The following PRH1 variants were observed in gnomAD, a reference collection of about 807,000 sequenced individuals.
PRH1 encodes proline rich protein HaeIII subfamily 1.
A neutral mutation model predicts 7.9 loss-of-function variants in PRH1; 7 were observed. That is an observed-to-expected ratio of 0.89 (90% CI 0.50 to 1.67). The LOEUF (loss-of-function observed/expected upper bound fraction) is 1.67, where lower values mean the gene tolerates loss of function less well. PRH1 is among the 40% of genes most tolerant of loss of function. PRH1 has a pLI of 0.00. For missense variants in PRH1, 109 were observed against 223.6 expected (o/e 0.49, Z 3.27); for synonymous variants, 45 against 80.8 (o/e 0.56, Z 2.38).
intron 2 of PRH1, among the ~76,000 whole-genome samples, chr12:10,947,732 C>G (rs1017698992): frequency 1.3e-5 from 2 of 151,996 alleles, no homozygotes; most frequent in Non-Finnish European, 2.9e-5. Context: ...TGACACTGGT[C>G]TCTGTGTTTC....
intron 1 of PRH1, among the ~76,000 whole-genome samples, chr12:11,083,797 T>C: frequency 6.6e-6 from 1 of 152,292 alleles, no homozygotes; most frequent in Non-Finnish European, 1.5e-5. Flanking sequence ...AAATATATTT[T>C]TGTAAACTTT....
intron 1 of PRH1, among the ~76,000 whole-genome samples, chr12:11,037,893 T>A (rs1172475694): frequency 1.4e-5 from 2 of 148,068 alleles, no homozygotes; most frequent in Non-Finnish European, 3.0e-5. Flanking sequence ...ATAGAAAAAA[T>A]CAGCAGGGTG....
chr12:10,953,152 A>T (rs1267279927), intron 2 of PRH1, among the ~76,000 whole-genome samples: 2 of 152,204 alleles, frequency 1.3e-5, no homozygotes, highest in African/African-American at 4.8e-5. Flanking sequence ...GGCAACTTCG[A>T]AGACTGAAGA....
At chr12:11,133,157 A>G in intron 1 of PRH1, 1 of 1,156,640 alleles carries the variant, frequency 8.6e-7, no homozygotes, top group East Asian at 2.7e-5. Context: ...ATATATATGT[A>G]CTTTTCTAGA....
At chr12:11,143,674 G>C (rs565464040) in intron 1 of PRH1, among the ~76,000 whole-genome samples, 1 of 152,252 alleles carries the variant, frequency 6.6e-6, no homozygotes, top group South Asian at 2.1e-4. Flanking sequence ...GCCAAAAAAA[G>C]AGGAATAGCT....
intron 1 of PRH1, among the ~76,000 whole-genome samples, chr12:11,136,262 T>C (rs1184337731): frequency 6.6e-6 from 1 of 152,254 alleles, no homozygotes; most frequent in Non-Finnish European, 1.5e-5. Context: ...TTGTGGCTTC[T>C]TGGACTCAAC....
chr12:11,031,725 CA>C (rs1942230034), intron 1 of PRH1, among the ~76,000 whole-genome samples: 1 of 152,152 alleles, frequency 6.6e-6, no homozygotes, highest in South Asian at 2.1e-4. Flanking sequence ...GTGCATTTTA[CA>C]ATCCTCTTGC....
At chr12:10,881,599 A>G (rs1258538198) in intron 3 of PRH1, among the ~76,000 whole-genome samples, 2 of 152,338 alleles carry the variant, frequency 1.3e-5, no homozygotes, top group East Asian at 1.9e-4. Context: ...AAAGCATTAT[A>G]TATATTTATG....
At chr12:10,989,366 T>C (rs1391922785) in intron 1 of PRH1, among the ~76,000 whole-genome samples, 2 of 152,194 alleles carry the variant, frequency 1.3e-5, no homozygotes, top group African/African-American at 2.4e-5. Context: ...GATACATATT[T>C]GGGGGGTTTC....
At chr12:11,093,104 C>T (rs896336980) in intron 1 of PRH1, among the ~76,000 whole-genome samples, 1 of 115,962 alleles carries the variant, frequency 8.6e-6, no homozygotes, top group Non-Finnish European at 2.0e-5. Flanking sequence ...GTAAACTCTC[C>T]ATCATTTATC....
intron 1 of PRH1, among the ~76,000 whole-genome samples, chr12:11,082,251 A>C (rs34521533): frequency 0.56 from 64,342 of 113,944 alleles, 28,194 homozygotes; most frequent in East Asian, 1. Context: ...GTTTTCTTTT[A>C]AAAGCATTAG....
intron 1 of PRH1, among the ~76,000 whole-genome samples, chr12:11,154,934 C>A (rs1289412761): frequency 6.7e-6 from 1 of 149,964 alleles, no homozygotes; most frequent in Non-Finnish European, 1.5e-5. Context: ...GATATATTTT[C>A]AGTATCATTT....
chr12:11,006,892 T>C (rs1307839069), intron 1 of PRH1, among the ~76,000 whole-genome samples: 1 of 152,120 alleles, frequency 6.6e-6, no homozygotes, highest in Non-Finnish European at 1.5e-5. Flanking sequence ...CTGTTCTTGC[T>C]ATACGCTGAA....
chr12:11,043,532 T>C (rs981448692), intron 1 of PRH1, among the ~76,000 whole-genome samples: 3 of 152,182 alleles, frequency 2.0e-5, no homozygotes, highest in Admixed American at 1.3e-4. Flanking sequence ...TATGATCTTA[T>C]ATTTATAAAA....
At chr12:11,059,182 G>C (rs35413384) in intron 1 of PRH1, among the ~76,000 whole-genome samples, 44,219 of 152,064 alleles carry the variant, frequency 0.29, 8,286 homozygotes, top group East Asian at 0.74. Context: ...CTCATCCCTG[G>C]ACTAATGCCG....
At chr12:11,096,530 T>C (rs1945072251) in intron 1 of PRH1, among the ~76,000 whole-genome samples, 1 of 115,888 alleles carries the variant, frequency 8.6e-6, no homozygotes, top group African/African-American at 2.9e-5. Flanking sequence ...ATTTTTATTT[T>C]TGTAATACTT....
intron 1 of PRH1, among the ~76,000 whole-genome samples, chr12:11,139,127 A>G (rs1373110087): frequency 6.6e-6 from 1 of 152,194 alleles, no homozygotes; most frequent in East Asian, 1.9e-4. Flanking sequence ...TCTAATTACA[A>G]TGGTATCTAT....
At chr12:10,986,926 C>G in intron 1 of PRH1, 1 of 1,169,296 alleles carries the variant, frequency 8.6e-7, no homozygotes, top group Non-Finnish European at 1.2e-6. Context: ...CTTTAATACT[C>G]TGACCTTAAA....
Position 11,062,210 on chromosome 12 carries a change from A to G in PRH1, n.124-15022T>C, listed in dbSNP as rs777802835. ...TTGAACCACTCAATGGAATTTACCA[A>G]TGCTATGAAGCCATTAGCAAAATTT... On this transcript the variant is annotated intron_variant and non_coding_transcript_variant, in intron 1 of 4. Coordinates refer to the PRH1 transcript ENST00000541977. 38 of 1,613,312 alleles carry G rather than the reference A, an allele frequency of 2.4e-5. 1 individual carries two copies. In the East Asian group the frequency reaches 6.9e-4, roughly 29 times the overall value.
Sources: allele counts gnomAD v4.1 joint callset (sites outside exome capture counted in the v4.1 genomes callset), GRCh38; gene constraint gnomAD v4.1.1; transcripts MANE v1.5; gene names NCBI Gene and HGNC (gene_info 2026-07-23, HGNC 2026-07-21).